Variants in BRI3 observed in about 807,000 individuals in gnomAD.
BRI3 encodes the protein membrane protein BRI3.
Under a neutral mutation model 12.8 loss-of-function variants are expected in BRI3, and 6 were observed. The ratio of observed to expected loss-of-function variants is 0.47; its 90% CI spans 0.26 to 0.93. The LOEUF (loss-of-function observed/expected upper bound fraction) is 0.93, where lower values mean the gene tolerates loss of function less well. Ranked by LOEUF, BRI3 falls within the 40% of genes least tolerant of loss-of-function variation. The pLI is 0.15. For synonymous variants in BRI3, 91 were observed against 76.1 expected (o/e 1.20, Z -1.02); for missense variants, 134 against 171.1 (o/e 0.78, Z 1.21).
chr7:98,281,759 C>G lies in BRI3; in HGVS notation c.-37C>G, dbSNP rs894527373. ...CGTCCCCCGCCGGGGCCGACCGAGC[C>G]GAGCCGGGCCGGAGCGGCGGGCGCG... is the stretch of plus-strand genomic sequence containing the variant. On this transcript the variant is annotated 5_prime_UTR_variant, in exon 1 of 3. Coordinates refer to ENST00000297290, the MANE Select transcript of BRI3 (RefSeq NM_015379.5). 8.8e-6 allele frequency: 9 copies of G among 1,019,808 alleles called. No homozygotes were observed. The African/African-American group carries it at 1.6e-4, about 18-fold the overall frequency. The allele number at this position is 1,019,808 out of a possible 1,614,324, so 63.2% of individuals were successfully genotyped here.
chr7:98,283,912 G>C (rs548113348), intron 2 of BRI3, among the ~76,000 whole-genome samples: 1 of 152,226 alleles, frequency 6.6e-6, no homozygotes, highest in Non-Finnish European at 1.5e-5. Flanking sequence ...GGGGGGCGCC[G>C]AGGTGGTGGC....
chr7:98,294,058 A>G, downstream of BRI3: 1 of 1,613,642 alleles, frequency 6.2e-7, no homozygotes, highest in Non-Finnish European at 8.5e-7. Context: ...AGGCTCACGT[A>G]GGAAGCCACG....
At chr7:98,305,057 T>G (rs1584429936), upstream of BRI3, among the ~76,000 whole-genome samples, 3 of 142,236 alleles carry the variant, frequency 2.1e-5, no homozygotes, top group South Asian at 2.2e-4. Context: ...GTTTTTTTTT[T>G]TTTTTTTTTT....
upstream of BRI3, chr7:98,304,194 A>T (rs922632250): frequency 5.1e-6 from 8 of 1,581,088 alleles, no homozygotes; most frequent in Non-Finnish European, 6.9e-6. Context: ...GGCTTTACTC[A>T]CAGGAGCCGC....
downstream of BRI3, among the ~76,000 whole-genome samples, chr7:98,295,094 C>A (rs1800130969): frequency 6.6e-6 from 1 of 152,220 alleles, no homozygotes; most frequent in African/African-American, 2.4e-5. Flanking sequence ...CAGGGGGTCT[C>A]AGGGAGCACG....
chr7:98,289,650 A>C (rs1584396433), intron 2 of BRI3, among the ~76,000 whole-genome samples: 2 of 151,956 alleles, frequency 1.3e-5, no homozygotes, highest in Admixed American at 1.3e-4. Context: ...CACTGGCTGG[A>C]TGGGGGGTTT....
In BRI3 at chr7:98,284,797, C is replaced by T. The variant is rs565412088; in HGVS notation, c.245+2344C>T. On this transcript the variant is annotated intron_variant, in intron 2 of 2. Transcript: ENST00000297290. ...CTAGCCGTTTATGAGGAAGCATTTCCGCAGCCTGGCGGCGGATATGTCCCT... is the reference window on the plus strand; with the variant it reads ...CTAGCCGTTTATGAGGAAGCATTTCTGCAGCCTGGCGGCGGATATGTCCCT... 5.3e-5 allele frequency among the ~76,000 whole-genome samples: 8 copies of T among 152,322 alleles called. No homozygotes were observed. The South Asian group carries it at 6.2e-4, about 12-fold the overall frequency.
intron 1 of BRI3, among the ~76,000 whole-genome samples, chr7:98,299,505 C>T (rs1054200935): frequency 6.6e-6 from 1 of 151,900 alleles, no homozygotes; most frequent in Admixed American, 6.6e-5. Context: ...TCTTGACCAC[C>T]ACGTTATGGA....
chr7:98,294,050 G>A (rs1353644166), downstream of BRI3: 5 of 1,612,462 alleles, frequency 3.1e-6, no homozygotes, highest in South Asian at 2.2e-5. Flanking sequence ...ACACACTGAG[G>A]CTCACGTAGG....
chr7:98,292,681 CTG>C (rs1346769258), downstream of BRI3: 2 of 1,551,558 alleles, frequency 1.3e-6, no homozygotes, highest in East Asian at 2.4e-5. Context: ...CTTTGAGAGT[CTG>C]TACCTGATTC....
chr7:98,295,745 A>C (rs1157559566), downstream of BRI3, among the ~76,000 whole-genome samples: 2 of 152,048 alleles, frequency 1.3e-5, no homozygotes, highest in East Asian at 3.9e-4. Flanking sequence ...TAGAAACCAG[A>C]AACACCCTCC....
chr7:98,301,492 T>TATATATAC (rs1427972128), intron 1 of BRI3, among the ~76,000 whole-genome samples: 146 of 150,328 alleles, frequency 9.7e-4, no homozygotes, highest in African/African-American at 3.4e-3. Flanking sequence ...TATATATATA[T>TATATATAC]ATTTTAAGTG....
chr7:98,308,667 A>AAT (rs1271801115), exon 2 of BRI3: 12 of 233,592 alleles, frequency 5.1e-5, no homozygotes, highest in South Asian at 1.3e-4. Context: ...GGTAGAAAAA[A>AAT]ATATATATAT....
intron 1 of BRI3, chr7:98,306,861 C>G (rs1343527095): frequency 3.8e-6 from 1 of 262,004 alleles, no homozygotes; most frequent in Non-Finnish European, 7.4e-6. Flanking sequence ...TGTGCACCAC[C>G]ATGCCTAGCT....
intron 2 of BRI3, among the ~76,000 whole-genome samples, chr7:98,283,716 C>T (rs1178364442): frequency 5.5e-4 from 83 of 152,188 alleles, no homozygotes; most frequent in African/African-American, 2.4e-5. Flanking sequence ...CGGTGTCCAG[C>T]CTGCCGGAGG....
At chr7:98,310,546 G>A (rs1800828782), downstream of BRI3, 1 of 1,592,884 alleles carries the variant, frequency 6.3e-7, no homozygotes, top group Non-Finnish European at 8.5e-7. Flanking sequence ...AGGAGCGGGG[G>A]GCATCTTTGG....
At chr7:98,284,455 G>A (rs570996477) in intron 2 of BRI3, among the ~76,000 whole-genome samples, 1 of 152,210 alleles carries the variant, frequency 6.6e-6, no homozygotes, top group Non-Finnish European at 1.5e-5. Context: ...TGGGTGGGGT[G>A]TGTGGTCCCT....
chr7:98,315,482 T>C, the BRI3 span: 2 of 1,500,506 alleles, frequency 1.3e-6, no homozygotes, highest in Non-Finnish European at 8.9e-7. Flanking sequence ...ATAATGTATG[T>C]GGTTTGCAAA....
intron 1 of BRI3, among the ~76,000 whole-genome samples, chr7:98,299,210 G>A (rs1800317052): frequency 6.6e-6 from 1 of 151,912 alleles, no homozygotes; most frequent in Non-Finnish European, 1.5e-5. Flanking sequence ...GTAGAGACAG[G>A]GTTTCACCAT....
Sources: allele counts gnomAD v4.1 joint callset (sites outside exome capture counted in the v4.1 genomes callset), GRCh38; gene constraint gnomAD v4.1.1; transcripts MANE v1.5; gene names NCBI Gene and HGNC (gene_info 2026-07-23, HGNC 2026-07-21).